Variants in ADARB2 observed in about 807,000 individuals in gnomAD.
ADARB2 encodes inactive double-stranded RNA-specific editase B2.
In ADARB2, 25 loss-of-function variants were observed where a neutral mutation model predicts 62.2. The ratio of observed to expected loss-of-function variants is 0.40; its 90% CI spans 0.29 to 0.56. The LOEUF is 0.56. Among genes scored for constraint, ADARB2 ranks in the 20% least tolerant of loss-of-function variants. ADARB2 has a pLI of 0.43. For missense variants in ADARB2, 1,071 were observed against 1,077.4 expected (o/e 0.99, Z 0.08); for synonymous variants, 572 against 500.8 (o/e 1.14, Z -1.90).
At position 1,601,665 on chromosome 10, in the gene ADARB2, TC is replaced by T. The variant is rs1447682741; in HGVS notation, c.100+135385del. Among the ~76,000 whole-genome samples the T allele has an allele frequency of 2.6e-5, 4 of 152,058 alleles. No individual in the cohort carries two copies. The East Asian group carries it at 7.7e-4, about 29-fold the overall frequency. On this transcript the variant is annotated intron_variant, in intron 1 of 9. Transcript: ENST00000381312. Reference sequence around the variant, plus strand: ...AAAAGAACCACAAAGCTGATCGGTGTCCAAGGAACGTTGGTGGGAGAGACGA... The same window carrying T: ...AAAAGAACCACAAAGCTGATCGGTGTCAAGGAACGTTGGTGGGAGAGACGA...
intron 6 of ADARB2, among the ~76,000 whole-genome samples, chr10:1,230,939 C>T (rs975104001): frequency 6.6e-6 from 1 of 152,206 alleles, no homozygotes. Context: ...AAATAAAAGA[C>T]ATCTGTGTCT....
At chr10:1,209,151 A>G (rs1198210779) in intron 7 of ADARB2, among the ~76,000 whole-genome samples, 1 of 152,136 alleles carries the variant, frequency 6.6e-6, no homozygotes, top group African/African-American at 2.4e-5. Context: ...CGACTCGTTC[A>G]GTGATCCCCA....
At chr10:1,556,387 GAA>G (rs1832703100) in intron 1 of ADARB2, among the ~76,000 whole-genome samples, 1 of 151,946 alleles carries the variant, frequency 6.6e-6, no homozygotes, top group Admixed American at 6.6e-5. Flanking sequence ...TTTTCTTGGT[GAA>G]GCAATTCCCA....
intron 1 of ADARB2, among the ~76,000 whole-genome samples, chr10:1,683,343 C>T (rs1834561991): frequency 1.3e-5 from 2 of 152,164 alleles, no homozygotes; most frequent in African/African-American, 4.8e-5. Flanking sequence ...GAACATGACT[C>T]TAGAAGGATG....
intron 3 of ADARB2, among the ~76,000 whole-genome samples, chr10:1,312,640 C>T (rs561055915): frequency 3.9e-5 from 6 of 152,224 alleles, no homozygotes; most frequent in Non-Finnish European, 7.3e-5. Context: ...TTGAGGTAGG[C>T]GCTGCCACGT....
At chr10:1,554,729 G>T (rs1386588070) in intron 1 of ADARB2, among the ~76,000 whole-genome samples, 1 of 152,178 alleles carries the variant, frequency 6.6e-6, no homozygotes, top group Non-Finnish European at 1.5e-5. Flanking sequence ...TACTAAAAAG[G>T]TATTTTTAAA....
chr10:1,641,744 G>A (rs927878830), intron 1 of ADARB2, among the ~76,000 whole-genome samples: 1 of 152,154 alleles, frequency 6.6e-6, no homozygotes, highest in Non-Finnish European at 1.5e-5. Flanking sequence ...TGGGCGTGGC[G>A]GCTCACACCT....
At chr10:1,413,766 A>G (rs1209969952) in intron 1 of ADARB2, among the ~76,000 whole-genome samples, 1 of 152,180 alleles carries the variant, frequency 6.6e-6, no homozygotes, top group Non-Finnish European at 1.5e-5. Flanking sequence ...ACAATGACAA[A>G]TTCATCGTTT....
At chr10:1,285,372 G>T (rs1177080810) in intron 3 of ADARB2, among the ~76,000 whole-genome samples, 2 of 152,148 alleles carry the variant, frequency 1.3e-5, no homozygotes, top group Admixed American at 6.5e-5. Flanking sequence ...CTGGGTGGGT[G>T]GGGGTTCTGG....
intron 1 of ADARB2, among the ~76,000 whole-genome samples, chr10:1,593,299 T>C (rs1325169775): frequency 1.4e-5 from 2 of 147,800 alleles, no homozygotes; most frequent in Non-Finnish European, 1.5e-5. Flanking sequence ...GTCTCCTCTC[T>C]GGCATGGTCC....
chr10:1,477,518 G>T lies in ADARB2; in HGVS notation c.101-98358C>A, dbSNP rs144720598. Reference sequence around the variant, plus strand: ...TCTTCGTGCTTTCTCTAATAAATCTGCCTTCTTTACCCACGACTGTCTTGG... The same window carrying T: ...TCTTCGTGCTTTCTCTAATAAATCTTCCTTCTTTACCCACGACTGTCTTGG... On this transcript the variant is annotated intron_variant, in intron 1 of 9. Transcript: ENST00000381312. The surrounding 1 kb of genome is among the most constrained non-coding windows in gnomAD (Gnocchi z 4.5). Among the ~76,000 whole-genome samples, 1 of 151,976 alleles carries T rather than the reference G, an allele frequency of 6.6e-6. No homozygotes were observed. Among genetic ancestry groups the T allele is most frequent in the Non-Finnish European group, 1.5e-5 (1 of 68,004 alleles).
chr10:1,660,066 T>G lies in ADARB2; in HGVS notation c.100+76985A>C, dbSNP rs372003844. On this transcript the variant is annotated intron_variant, in intron 1 of 9. Coordinates refer to ENST00000381312, the MANE Select transcript of ADARB2 (RefSeq NM_018702.4). ...CTCTTCCTCCATTGCCTGCCCTGCC[T>G]GGGCAACCCATCATGCAGCTTCCTG... is the stretch of plus-strand genomic sequence containing the variant. 1.5e-3 allele frequency among the ~76,000 whole-genome samples: 225 copies of G among 152,352 alleles called. 1 individual carries two copies. Among genetic ancestry groups the G allele is most frequent in the African/African-American group, 5.1e-3 (214 of 41,580 alleles).
chr10:1,264,912 A>G (rs1831179952), intron 4 of ADARB2, among the ~76,000 whole-genome samples: 1 of 152,216 alleles, frequency 6.6e-6, no homozygotes, highest in Non-Finnish European at 1.5e-5. Flanking sequence ...TAAAAGCCAT[A>G]TTTTCAGAAT....
At chr10:1,594,744 C>T (rs1025714519) in intron 1 of ADARB2, among the ~76,000 whole-genome samples, 7 of 152,196 alleles carry the variant, frequency 4.6e-5, no homozygotes, top group East Asian at 1.9e-4. Context: ...TGCTGGAGGA[C>T]GCTTAAAGAG....
intron 1 of ADARB2, among the ~76,000 whole-genome samples, chr10:1,519,094 G>A (rs1832042813): frequency 6.6e-6 from 1 of 151,532 alleles, no homozygotes; most frequent in African/African-American, 2.4e-5. Flanking sequence ...TGTAACGTCT[G>A]TACACGGTGT....
intron 1 of ADARB2, among the ~76,000 whole-genome samples, chr10:1,489,286 C>G (rs1424155121): frequency 6.7e-6 from 1 of 149,920 alleles, no homozygotes; most frequent in African/African-American, 2.5e-5. Flanking sequence ...TGCACCTGAC[C>G]TTCCCTTTCA....
intron 1 of ADARB2, among the ~76,000 whole-genome samples, chr10:1,678,845 C>G (rs1056848349): frequency 2.0e-5 from 3 of 152,138 alleles, no homozygotes; most frequent in Admixed American, 6.5e-5. Context: ...GCACTTGTCC[C>G]TCCTGGACCC....
At chr10:1,511,090 A>G (rs970490137) in intron 1 of ADARB2, among the ~76,000 whole-genome samples, 2 of 152,166 alleles carry the variant, frequency 1.3e-5, no homozygotes, top group Non-Finnish European at 2.9e-5. Context: ...CCTGGGCTCA[A>G]GCCTTGGCCT....
intron 1 of ADARB2, among the ~76,000 whole-genome samples, chr10:1,663,388 G>A (rs914843475): frequency 2.6e-5 from 4 of 152,138 alleles, no homozygotes; most frequent in Non-Finnish European, 5.9e-5. Context: ...GCTACAGAGC[G>A]CTGCTACAGA....
Sources: allele counts gnomAD v4.1 joint callset (sites outside exome capture counted in the v4.1 genomes callset), GRCh38; gene constraint gnomAD v4.1.1; non-coding constraint Gnocchi (gnomAD v3.1); transcripts MANE v1.5; gene names NCBI Gene and HGNC (gene_info 2026-07-23, HGNC 2026-07-21).